Variants in STK39 observed in about 807,000 individuals in gnomAD.
STK39 encodes the protein STE20/SPS1-related proline-alanine-rich protein kinase.
In STK39, 20 loss-of-function variants were observed where a neutral mutation model predicts 77.8. That is an observed-to-expected ratio of 0.26 (90% CI 0.18 to 0.37). The LOEUF (loss-of-function observed/expected upper bound fraction) is 0.37. STK39 is among the 10% of genes least tolerant of loss of function. STK39 has a pLI of 1.00. For synonymous variants in STK39, 246 were observed against 234.1 expected, an observed-to-expected ratio of 1.05 and a Z score of -0.47; for missense variants, 479 against 656.5, an observed-to-expected ratio of 0.73 and a Z score of 2.95.
At chr2:168,021,430 C>T (rs555559064) in intron 14 of STK39, among the ~76,000 whole-genome samples, 55 of 152,166 alleles carry the variant, frequency 3.6e-4, no homozygotes, top group Non-Finnish European at 6.8e-4. Flanking sequence ...GGAAAAATGC[C>T]TAATTGGAGC....
At chr2:168,016,411 A>AC (rs1188597681) in intron 15 of STK39, among the ~76,000 whole-genome samples, 14 of 148,560 alleles carry the variant, frequency 9.4e-5, no homozygotes, top group African/African-American at 3.1e-4. Flanking sequence ...AAAAAAAAAA[A>AC]AACAACACTA....
At chr2:168,245,369 T>C (rs539690820) in intron 1 of STK39, among the ~76,000 whole-genome samples, 1 of 152,342 alleles carries the variant, frequency 6.6e-6, no homozygotes, top group East Asian at 1.9e-4. Context: ...GGGATCACTT[T>C]TGTTAATTTC....
At chr2:168,187,697 C>T (rs992929909) in intron 1 of STK39, among the ~76,000 whole-genome samples, 1 of 152,196 alleles carries the variant, frequency 6.6e-6, no homozygotes, top group Non-Finnish European at 1.5e-5. Flanking sequence ...TATTAATGTA[C>T]CATAATTTAT....
chr2:168,064,635 A>G (rs1272129727), intron 13 of STK39, among the ~76,000 whole-genome samples: 1 of 152,260 alleles, frequency 6.6e-6, no homozygotes, highest in Non-Finnish European at 1.5e-5. Context: ...ATGAATTTAA[A>G]TTGAATATGC....
intron 10 of STK39, among the ~76,000 whole-genome samples, chr2:168,116,259 T>C (rs1237757313): frequency 6.6e-6 from 1 of 152,190 alleles, no homozygotes; most frequent in Admixed American, 6.5e-5. Context: ...AAGGCTACTG[T>C]TTGCATTTCC....
At position 168,113,124 on chromosome 2, in the gene STK39, A is replaced by G. The variant is rs549097334; in HGVS notation, c.1089+16417T>C. ...CATTGTCTAAATAGAAACTCTCCAC[A>G]CCATTCTATGTCCATACCAGGATAT... is the stretch of plus-strand genomic sequence containing the variant. On this transcript the variant is annotated intron_variant, in intron 10 of 17. Transcript: ENST00000355999. 3.3e-5 allele frequency: 5 copies of G among 152,174 alleles called. No homozygotes were observed. The East Asian group carries it at 9.6e-4, about 29-fold the overall frequency. The allele number at this position is 152,174 out of a possible 1,614,324, so 9.4% of individuals were successfully genotyped here.
intron 14 of STK39, among the ~76,000 whole-genome samples, chr2:168,033,852 C>T (rs1684886831): frequency 6.6e-6 from 1 of 152,184 alleles, no homozygotes; most frequent in South Asian, 2.1e-4. Context: ...CCAAGTCTTT[C>T]TCTCTTCATC....
At chr2:168,181,790 T>C (rs1689087703) in intron 2 of STK39, among the ~76,000 whole-genome samples, 188 bp downstream of exon 2, 1 of 152,156 alleles carries the variant, frequency 6.6e-6, no homozygotes, top group Non-Finnish European at 1.5e-5. Context: ...CAAGGGAAGG[T>C]GTTCATTATA....
At chr2:168,191,022 T>C (rs1689326959) in intron 1 of STK39, among the ~76,000 whole-genome samples, 1 of 152,218 alleles carries the variant, frequency 6.6e-6, no homozygotes, top group African/African-American at 2.4e-5. Flanking sequence ...TGAATATGTA[T>C]GCTGTGGTGG....
chr2:168,123,298 G>A (rs1001546079), intron 10 of STK39, among the ~76,000 whole-genome samples: 6 of 152,120 alleles, frequency 3.9e-5, no homozygotes, highest in African/African-American at 9.7e-5. Flanking sequence ...GACATGAATG[G>A]GAAAATTGGC....
intron 14 of STK39, among the ~76,000 whole-genome samples, chr2:168,062,002 A>C (rs567335413): frequency 6.6e-6 from 1 of 152,220 alleles, no homozygotes; most frequent in African/African-American, 2.4e-5. Flanking sequence ...CCATCAATCA[A>C]TTAAGGCTTT....
intron 1 of STK39, among the ~76,000 whole-genome samples, chr2:168,226,985 T>G (rs1690325807): frequency 6.6e-6 from 1 of 152,176 alleles, no homozygotes; most frequent in Non-Finnish European, 1.5e-5. Context: ...AGGAGGTGGA[T>G]CTCTGAGAAA....
chr2:168,166,107 C>T (rs1238689433), intron 3 of STK39, among the ~76,000 whole-genome samples: 1 of 152,168 alleles, frequency 6.6e-6, no homozygotes, highest in Non-Finnish European at 1.5e-5. Flanking sequence ...ATGTTAAAGT[C>T]ACAAATTCCA....
intron 16 of STK39, among the ~76,000 whole-genome samples, chr2:167,966,103 GCCT>G (rs1253227102): frequency 2.0e-5 from 3 of 152,042 alleles, no homozygotes; most frequent in African/African-American, 7.2e-5. Flanking sequence ...CCTCCCATCT[GCCT>G]CCTCTTTTTC....
intron 5 of STK39, among the ~76,000 whole-genome samples, chr2:168,142,716 T>A (rs1688015160): frequency 6.6e-6 from 1 of 152,212 alleles, no homozygotes; most frequent in Non-Finnish European, 1.5e-5. Flanking sequence ...CTTTGAACAC[T>A]CACTTTAAAG....
At chr2:168,197,984 G>C (rs1689514644) in intron 1 of STK39, among the ~76,000 whole-genome samples, 1 of 151,032 alleles carries the variant, frequency 6.6e-6, no homozygotes, top group African/African-American at 2.4e-5. Context: ...GGTGCAGTGA[G>C]CCGAGACTGT....
chr2:168,226,619 T>A (rs1018946853), intron 1 of STK39, among the ~76,000 whole-genome samples: 2 of 147,512 alleles, frequency 1.4e-5, no homozygotes, highest in African/African-American at 2.5e-5. Flanking sequence ...TACCCAACCA[T>A]CCCACCCCAC....
chr2:167,983,216 G>A (rs925203158), intron 16 of STK39, among the ~76,000 whole-genome samples: 3 of 152,018 alleles, frequency 2.0e-5, no homozygotes, highest in Non-Finnish European at 4.4e-5. Context: ...GCGGTGGTTC[G>A]TGACTGTAAT....
At chr2:168,205,127 G>A (rs1421486958) in intron 1 of STK39, among the ~76,000 whole-genome samples, 1 of 152,218 alleles carries the variant, frequency 6.6e-6, no homozygotes, top group Non-Finnish European at 1.5e-5. Context: ...GTGATGGAGA[G>A]ATGGGTATTC....
Sources: gnomAD v4.1 joint callset for allele counts (sites outside exome capture counted in the v4.1 genomes callset) on GRCh38, gnomAD v4.1.1 for gene constraint, MANE v1.5 for transcripts, NCBI Gene and HGNC (gene_info 2026-07-23, HGNC 2026-07-21) for gene names.